The following MORC1 variants were observed in gnomAD, a reference collection of about 807,000 sequenced individuals.
The protein encoded by MORC1 is MORC family CW-type zinc finger 1, also known as MORC family CW-type zinc finger protein 1.
A neutral mutation model predicts 134.9 loss-of-function variants in MORC1; 59 were observed. That is an observed-to-expected ratio of 0.44 (90% CI 0.35 to 0.54). MORC1 has a LOEUF of 0.54. Ranked by LOEUF, MORC1 falls within the 20% of genes least tolerant of loss-of-function variation. The pLI is 0.00. For synonymous variants in MORC1, 395 were observed against 391.7 expected, an observed-to-expected ratio of 1.01 and a Z score of -0.10; for missense variants, 947 against 1,134.5, an observed-to-expected ratio of 0.83 and a Z score of 2.37.
At chr3:109,041,667 C>T (rs34371400) in intron 14 of MORC1, among the ~76,000 whole-genome samples, 24,357 of 152,034 alleles carry the variant, frequency 0.16, 2,187 homozygotes, top group African/African-American at 0.23. Context: ...GCTAACATGG[C>T]GAAACCACGT....
chr3:109,098,078 T>A (rs116041750), intron 6 of MORC1, among the ~76,000 whole-genome samples: 5 of 152,056 alleles, frequency 3.3e-5, no homozygotes, highest in Admixed American at 6.6e-5. Flanking sequence ...TTATTTTTAT[T>A]TTTATTTTAT....
At chr3:109,044,155 T>C (rs1389894263) in intron 14 of MORC1, among the ~76,000 whole-genome samples, 2 of 152,118 alleles carry the variant, frequency 1.3e-5, no homozygotes, top group African/African-American at 4.8e-5. Context: ...GAAGTATCTG[T>C]GAGAAAAAAA....
At chr3:109,064,854 T>C (rs1194685711) in intron 9 of MORC1, among the ~76,000 whole-genome samples, 6 of 152,150 alleles carry the variant, frequency 3.9e-5, no homozygotes. Context: ...CCAAATTTAG[T>C]GTGCCTACTA....
At chr3:108,978,785 T>C (rs1430510874) in intron 24 of MORC1, among the ~76,000 whole-genome samples, 1 of 152,188 alleles carries the variant, frequency 6.6e-6, no homozygotes, top group Non-Finnish European at 1.5e-5. Flanking sequence ...GCATGTTGTT[T>C]GTTTTCCCTG....
intron 6 of MORC1, among the ~76,000 whole-genome samples, chr3:109,098,996 T>C (rs763262204): frequency 3.3e-5 from 5 of 152,322 alleles, no homozygotes; most frequent in Middle Eastern, 3.4e-3. Flanking sequence ...TTTCTTTACA[T>C]TTTGTATTCC....
At chr3:109,023,989 C>T (rs1017558012) in intron 17 of MORC1, among the ~76,000 whole-genome samples, 2 of 152,164 alleles carry the variant, frequency 1.3e-5, no homozygotes, top group African/African-American at 4.8e-5. Flanking sequence ...TATTCAGAAG[C>T]ACAATTTATA....
At chr3:109,000,536 T>C in intron 21 of MORC1, 21 bp downstream of exon 21, 1 of 1,515,806 alleles carries the variant, frequency 6.6e-7, no homozygotes, top group Non-Finnish European at 9.0e-7. Flanking sequence ...AAGGTGTCAT[T>C]TAGTGTATAG....
intron 17 of MORC1, among the ~76,000 whole-genome samples, chr3:109,017,352 G>A (rs1307654358): frequency 2.0e-5 from 3 of 152,288 alleles, no homozygotes; most frequent in East Asian, 3.9e-4. Context: ...CAAAAAGTAG[G>A]ATACTTTTGG....
At chr3:109,089,063 C>T (rs1576730026) in intron 8 of MORC1, among the ~76,000 whole-genome samples, 1 of 151,912 alleles carries the variant, frequency 6.6e-6, no homozygotes, top group Non-Finnish European at 1.5e-5. Flanking sequence ...GGGTCTTGAG[C>T]ATGGAGGGTG....
intron 14 of MORC1, among the ~76,000 whole-genome samples, chr3:109,046,039 T>C (rs964693101): frequency 2.0e-5 from 3 of 152,190 alleles, no homozygotes; most frequent in Non-Finnish European, 4.4e-5. Flanking sequence ...AAACAAATTA[T>C]GAATTTAATA....
At chr3:109,108,627 G>A (rs1951089203) in intron 3 of MORC1, among the ~76,000 whole-genome samples, 2 of 152,174 alleles carry the variant, frequency 1.3e-5, no homozygotes, top group South Asian at 2.1e-4. Context: ...GCCAGGCGCG[G>A]TGGCTCAAGC....
At chr3:108,999,084 CAA>C (rs1948321075) in intron 21 of MORC1, among the ~76,000 whole-genome samples, 1 of 152,192 alleles carries the variant, frequency 6.6e-6, no homozygotes, top group Non-Finnish European at 1.5e-5. Context: ...TTGAAGAGGT[CAA>C]GAGAGGCGGC....
chr3:109,029,048 A>C (rs1258791051), intron 16 of MORC1, among the ~76,000 whole-genome samples: 1 of 152,172 alleles, frequency 6.6e-6, no homozygotes, highest in African/African-American at 2.4e-5. Flanking sequence ...CATCTGAAAC[A>C]GTGAGGGAAA....
chr3:109,103,806 G>C (rs753774734), intron 4 of MORC1, 43 bp downstream of exon 4: 4 of 1,512,156 alleles, frequency 2.6e-6, no homozygotes, highest in Non-Finnish European at 3.7e-6. Context: ...TTTTCAGACT[G>C]TTTCCTTTAA....
chr3:109,051,864 A>C (rs1385378082), intron 14 of MORC1, among the ~76,000 whole-genome samples: 1 of 151,886 alleles, frequency 6.6e-6, no homozygotes, highest in Non-Finnish European at 1.5e-5. Flanking sequence ...AACTGTTGGG[A>C]GGGTACCCAC....
intron 17 of MORC1, among the ~76,000 whole-genome samples, chr3:109,024,922 G>A (rs1429061734): frequency 6.6e-6 from 1 of 152,114 alleles, no homozygotes; most frequent in Non-Finnish European, 1.5e-5. Flanking sequence ...CTTCTAAAGG[G>A]TTTTAGAATG....
rs187001299 is a variant in MORC1 at position 109,032,048 on chromosome 3, T to C, written c.1565+672A>G. Among the ~76,000 whole-genome samples the C allele has an allele frequency of 2.1e-4, 32 of 152,138 alleles. No individual in the cohort carries two copies. The South Asian group carries it at 4.4e-3, about 21-fold the overall frequency. On this transcript the variant is annotated intron_variant, in intron 16 of 27. Transcript: ENST00000232603. ...TTTGCTCTTCTTTTTCAGAGCTAGA[T>C]AAAAAAATAACCAAACAGGAGTTAT...
At chr3:109,015,689 T>C (rs1948801579) in intron 17 of MORC1, among the ~76,000 whole-genome samples, 2 of 152,250 alleles carry the variant, frequency 1.3e-5, no homozygotes, top group African/African-American at 2.4e-5. Flanking sequence ...CCCACAGTTC[T>C]TTCTCTGAAT....
Position 108,984,800 on chromosome 3 carries a change from C to T in MORC1, c.2258-18G>A, listed in dbSNP as rs767744282. 9 of 1,589,910 alleles carry T rather than the reference C, an allele frequency of 5.7e-6. No homozygotes were observed. Among genetic ancestry groups the T allele is most frequent in the African/African-American group, 4.1e-5 (3 of 74,030 alleles). ...CTGTTTTTCTTCAAAAGAACATAGA[C>T]AAACAATCGCATTTGGATGATCACA... On this transcript the variant is annotated intron_variant, in intron 22 of 27. Coordinates refer to ENST00000232603, the MANE Select transcript of MORC1 (RefSeq NM_014429.4).
Sources: allele counts gnomAD v4.1 joint callset (sites outside exome capture counted in the v4.1 genomes callset), GRCh38; gene constraint gnomAD v4.1.1; transcripts MANE v1.5; gene names NCBI Gene and HGNC (gene_info 2026-07-23, HGNC 2026-07-21).